The following TCF25 variants were observed in gnomAD, a reference collection of about 807,000 sequenced individuals.
The protein encoded by TCF25 is TCF25 ribosome quality control complex subunit.
In TCF25, 41 loss-of-function variants were observed where a neutral mutation model predicts 83.1. That is an observed-to-expected ratio of 0.49 (90% CI 0.38 to 0.64). The LOEUF (loss-of-function observed/expected upper bound fraction) is 0.64, where lower values mean the gene tolerates loss of function less well. TCF25 is among the 30% of genes least tolerant of loss of function. The pLI is 0.00. For missense variants in TCF25, 979 were observed against 914.5 expected (o/e 1.07, Z -0.91); for synonymous variants, 458 against 365.0 (o/e 1.25, Z -2.90).
chr16:89,909,509 C>CA (rs11356338), intron 16 of TCF25: 1,600 of 63,502 alleles, frequency 0.025, 38 homozygotes, highest in African/African-American at 0.034. Flanking sequence ...GACTCCGTCT[C>CA]AAAAAAAAAA....
intron 2 of TCF25, chr16:89,883,716 T>A: frequency 1.7e-6 from 1 of 599,484 alleles, no homozygotes. Flanking sequence ...TTCTCCTGCA[T>A]CTCAGGAGAG....
intron 12 of TCF25, among the ~76,000 whole-genome samples, chr16:89,902,607 T>G (rs1428345281): frequency 1.4e-5 from 2 of 146,406 alleles, no homozygotes; most frequent in East Asian, 2.3e-4. Flanking sequence ...GAGAATGGCA[T>G]GAACCCAGGA....
At chr16:89,895,179 C>T (rs774553293) in intron 8 of TCF25, 42 bp downstream of exon 8, 9 of 1,562,736 alleles carry the variant, frequency 5.8e-6, no homozygotes, top group East Asian at 2.3e-5. Flanking sequence ...GCTGTGGGAG[C>T]ACCTCAAGCT....
chr16:89,900,108 T>C (rs1323973190), intron 11 of TCF25, among the ~76,000 whole-genome samples: 1 of 152,172 alleles, frequency 6.6e-6, no homozygotes, highest in Non-Finnish European at 1.5e-5. Context: ...GTCACAAAAC[T>C]GTGAGTCTGT....
At chr16:89,886,807 G>C (rs2043050905) in intron 4 of TCF25, among the ~76,000 whole-genome samples, 1 of 151,558 alleles carries the variant, frequency 6.6e-6, no homozygotes, top group South Asian at 2.1e-4. Context: ...TGTGGTGGTG[G>C]GTGCCTGTAA....
intron 14 of TCF25, among the ~76,000 whole-genome samples, chr16:89,905,606 C>T (rs2044709520): frequency 6.6e-6 from 1 of 152,230 alleles, no homozygotes; most frequent in African/African-American, 2.4e-5. Context: ...TGTGGCCAGG[C>T]TCAGGACCGC....
chr16:89,907,376 TTCCC>T, intron 16 of TCF25, 54 bp downstream of exon 16: 1 of 188,290 alleles, frequency 5.3e-6, no homozygotes, highest in South Asian at 1.1e-4. Context: ...CTCCTCCCAG[TTCCC>T]AGCTCCCAGC....
intron 9 of TCF25, among the ~76,000 whole-genome samples, 174 bp from the exon 10 acceptor site, chr16:89,898,383 T>G (rs557599094): frequency 0.057 from 5,991 of 104,986 alleles, 537 homozygotes; most frequent in African/African-American, 0.25. Context: ...CTGAGCAGTG[T>G]GTGGGGTGGA....
At chr16:89,875,554 G>C (rs1219156453) in intron 1 of TCF25, among the ~76,000 whole-genome samples, 4 of 115,154 alleles carry the variant, frequency 3.5e-5, no homozygotes, top group African/African-American at 1.0e-4. Context: ...ATGGAGTCTC[G>C]CTCTGTCGCC....
chr16:89,879,270 TCA>T (rs1285355272), intron 1 of TCF25, among the ~76,000 whole-genome samples: 7 of 149,138 alleles, frequency 4.7e-5, no homozygotes, highest in African/African-American at 1.7e-4. Flanking sequence ...TCGGGGCCTG[TCA>T]CACGTGTTGT....
At chr16:89,891,465 G>A (rs2043421499) in intron 5 of TCF25, among the ~76,000 whole-genome samples, 1 of 152,232 alleles carries the variant, frequency 6.6e-6, no homozygotes, top group South Asian at 2.1e-4. Flanking sequence ...TGCTGATGGT[G>A]ACCGTGGGCA....
At chr16:89,877,400 G>C (rs1195223408) in intron 1 of TCF25, among the ~76,000 whole-genome samples, 2 of 152,146 alleles carry the variant, frequency 1.3e-5, no homozygotes, top group African/African-American at 4.8e-5. Context: ...AAGCCAGTGT[G>C]CTGGGATTAT....
At chr16:89,878,559 C>G in intron 1 of TCF25, 1 of 1,198,686 alleles carries the variant, frequency 8.3e-7, no homozygotes, top group Non-Finnish European at 1.1e-6. Flanking sequence ...GAAGATCAGT[C>G]GTGGACAAGA....
chr16:89,908,628 TCCCAC>T (rs1354698061), intron 16 of TCF25, among the ~76,000 whole-genome samples: 2 of 112,610 alleles, frequency 1.8e-5, no homozygotes, highest in Middle Eastern at 4.3e-3. Flanking sequence ...ACCTCCCAGC[TCCCAC>T]CTCCCACCTC....
intron 16 of TCF25, among the ~76,000 whole-genome samples, chr16:89,908,615 C>T (rs2045236169): frequency 1.7e-5 from 2 of 115,272 alleles, no homozygotes; most frequent in African/African-American, 3.3e-5. Flanking sequence ...CCTCCCAGCT[C>T]CCACCTCCCA....
At chr16:89,899,687 C>T (rs887568151) in intron 11 of TCF25, among the ~76,000 whole-genome samples, 2 of 151,594 alleles carry the variant, frequency 1.3e-5, no homozygotes, top group Non-Finnish European at 2.9e-5. Flanking sequence ...GAGATCGCGC[C>T]ATTGCACTCC....
At chr16:89,878,433 C>CTTT (rs1567692443) in intron 1 of TCF25, 82 of 861,936 alleles carry the variant, frequency 9.5e-5, no homozygotes, top group Non-Finnish European at 1.2e-4. Flanking sequence ...TAAAAATCAC[C>CTTT]ATTTTTTTTT....
chr16:89,892,397 G>C lies in TCF25; in HGVS notation c.697+122G>C, dbSNP rs572074191. ...TGCTGGGGGTGGAGGGCGGCGGGGG[G>C]GTGTGTTCTGTGCACTGGCCTGCGC... On this transcript the variant is annotated intron_variant, in intron 6 of 17. Coordinates refer to ENST00000263346, the MANE Select transcript of TCF25 (RefSeq NM_014972.3). 4.4e-6 allele frequency: 5 copies of C among 1,124,406 alleles called. 1 individual carries two copies. The highest frequency in any genetic ancestry group is 6.3e-6 in the Non-Finnish European group (5 of 794,056). 69.7% of individuals were successfully genotyped at this position (1,124,406 alleles called of 1,614,324 possible).
At chr16:89,887,999 C>T (rs566509688) in intron 5 of TCF25, among the ~76,000 whole-genome samples, 223 of 152,322 alleles carry the variant, frequency 1.5e-3, no homozygotes, top group African/African-American at 5.1e-3. Context: ...GAGTGCAGTG[C>T]TCACGCCTGT....
Sources: gnomAD v4.1 joint callset for allele counts (sites outside exome capture counted in the v4.1 genomes callset) on GRCh38, gnomAD v4.1.1 for gene constraint, MANE v1.5 for transcripts, NCBI Gene and HGNC (gene_info 2026-07-23, HGNC 2026-07-21) for gene names.